Variants in NDST1 observed in about 807,000 individuals in gnomAD.
The protein encoded by NDST1 is bifunctional heparan sulfate N-deacetylase/N-sulfotransferase 1.
In NDST1, 35 loss-of-function variants were observed where a neutral mutation model predicts 92.8. The observed-to-expected ratio is 0.38, with a 90% CI of 0.29 to 0.50. NDST1 has a LOEUF of 0.50. Among genes scored for constraint, NDST1 ranks in the 20% least tolerant of loss-of-function variants. The pLI, the probability that NDST1 is intolerant of heterozygous loss-of-function variation, is 0.94. For missense variants in NDST1, 822 were observed against 1,182.7 expected (o/e 0.69, Z 4.47); for synonymous variants, 493 against 500.3 (o/e 0.99, Z 0.19).
chr5:150,501,467 A>G lies in NDST1; in HGVS notation c.-388+3228A>G, dbSNP rs564402197. Among the ~76,000 whole-genome samples, 7 of 152,314 alleles carry G rather than the reference A, an allele frequency of 4.6e-5. No individual in the cohort carries two copies. The South Asian group carries it at 1.5e-3, about 32-fold the overall frequency. On this transcript the variant is annotated intron_variant, in intron 1 of 1. Transcript: ENST00000518299. ...TGTCATCCATTGGTCCAAGCAGTCA[A>G]TTGGACTAGAACAGGACTGGGAATT...
At chr5:150,541,325 A>G (rs183823235) in intron 8 of NDST1, among the ~76,000 whole-genome samples, 3 of 152,332 alleles carry the variant, frequency 2.0e-5, no homozygotes, top group Admixed American at 2.0e-4. Context: ...AAATTCAACA[A>G]GTGCTTATGA....
chr5:150,550,455 A>C, intron 13 of NDST1: 1 of 155,270 alleles, frequency 6.4e-6, no homozygotes, highest in Non-Finnish European at 1.4e-5. Flanking sequence ...TAATAACCGT[A>C]CTCACTCAGA....
intron 7 of NDST1, 153 bp downstream of exon 7, chr5:150,539,509 C>T (rs1011350454): frequency 1.3e-6 from 2 of 1,544,324 alleles, no homozygotes; most frequent in South Asian, 2.4e-5. Flanking sequence ...CTGGCCCTGC[C>T]TCGGCTGTGT....
intron 9 of NDST1, 33 bp from the exon 10 acceptor site, chr5:150,542,815 G>C: frequency 6.2e-7 from 1 of 1,613,806 alleles, no homozygotes; most frequent in Non-Finnish European, 8.5e-7. Flanking sequence ...TGGGGGCTGG[G>C]CCCTGGGTCT....
chr5:150,552,606 G>A, intron 14 of NDST1: 1 of 181,734 alleles, frequency 5.5e-6, no homozygotes, highest in South Asian at 1.2e-4. Flanking sequence ...TCCCGCCTCA[G>A]CCTGCCATAG....
intron 7 of NDST1, 75 bp downstream of exon 7, chr5:150,539,431 C>T: frequency 6.2e-7 from 1 of 1,609,498 alleles, no homozygotes; most frequent in Non-Finnish European, 8.5e-7. Context: ...ACACAGGCTT[C>T]CTGGAGCCAG....
rs2151309742 is a variant in NDST1, at chr5:150,556,222, C to G, written c.*2890C>G. 6.6e-6 allele frequency: 1 copy of G among 152,380 alleles called. No homozygotes were observed. The highest frequency in any genetic ancestry group is 1.5e-5 in the Non-Finnish European group (1 of 68,068). 9.4% of individuals were successfully genotyped at this position (152,380 alleles called of 1,614,324 possible). On this transcript the variant is annotated 3_prime_UTR_variant, in exon 15 of 15. Transcript: ENST00000261797. ...TCTATTCTGTGGTCCCCTCCATGAG[C>G]CTTTGCCCCAGGGTGGGTGCAGGTG... is the stretch of plus-strand genomic sequence containing the variant.
At chr5:150,535,166 TTA>T in intron 5 of NDST1, 145 bp downstream of exon 5, 1 of 1,325,362 alleles carries the variant, frequency 7.5e-7, no homozygotes, top group South Asian at 1.4e-5. Flanking sequence ...AGAGCTGCCT[TTA>T]TAGCCACTGT....
chr5:150,512,413 C>T (rs1561589296), intron 1 of NDST1, among the ~76,000 whole-genome samples: 1 of 152,222 alleles, frequency 6.6e-6, no homozygotes, highest in Non-Finnish European at 1.5e-5. Context: ...TTCCAGAGAC[C>T]TCTAGAAACC....
At position 150,520,897 on chromosome 5, in the gene NDST1, C is replaced by A; in HGVS notation, c.-358C>A. ...AGCCCCGTGGGCCCCACGGAGTGAG[C>A]GGCATGCAGCACCCCCGGGCCTGTC... On this transcript the variant is annotated 5_prime_UTR_variant, in exon 2 of 15. Coordinates refer to ENST00000261797, the MANE Select transcript of NDST1 (RefSeq NM_001543.5). The A allele has an allele frequency of 2.0e-6, 1 of 489,190 alleles. No individual in the cohort carries two copies. The highest frequency in any genetic ancestry group is 3.6e-6 in the Non-Finnish European group (1 of 279,238). The allele number at this position is 489,190 out of a possible 1,614,324, so 30.3% of individuals were successfully genotyped here.
At chr5:150,517,370 C>G (rs1303872797) in intron 1 of NDST1, among the ~76,000 whole-genome samples, 1 of 151,100 alleles carries the variant, frequency 6.6e-6, no homozygotes, top group Non-Finnish European at 1.5e-5. Flanking sequence ...GAACTCCTGG[C>G]CTTAAGTGAT....
chr5:150,527,269 T>C (rs1754515754), intron 2 of NDST1, among the ~76,000 whole-genome samples: 1 of 152,228 alleles, frequency 6.6e-6, no homozygotes, highest in Non-Finnish European at 1.5e-5. Context: ...CGCAGGCTGA[T>C]GTGAGGACTG....
At chr5:150,506,664 C>T (rs1437172280), upstream of NDST1, among the ~76,000 whole-genome samples, 4 of 152,140 alleles carry the variant, frequency 2.6e-5, no homozygotes, top group East Asian at 3.9e-4. Context: ...TAGAGAAAGC[C>T]GGGCCCACTT....
intron 13 of NDST1, among the ~76,000 whole-genome samples, chr5:150,550,105 CTTT>C (rs11365752): frequency 3.6e-5 from 5 of 138,950 alleles, no homozygotes; most frequent in Non-Finnish European, 6.3e-5. Flanking sequence ...TTAGCATTAG[CTTT>C]TTTTTTTTTT....
intron 2 of NDST1, among the ~76,000 whole-genome samples, chr5:150,526,339 C>T (rs982296423): frequency 1.6e-4 from 24 of 152,180 alleles, no homozygotes; most frequent in Admixed American, 1.6e-3. Flanking sequence ...TTCATGAGAG[C>T]AGGGGCCATG....
At chr5:150,499,721 A>G (rs1753150072) in intron 1 of NDST1, among the ~76,000 whole-genome samples, 1 of 152,202 alleles carries the variant, frequency 6.6e-6, no homozygotes, top group African/African-American at 2.4e-5. Context: ...CTGCGTAGCC[A>G]CTGACCCAGG....
At chr5:150,523,877 C>T (rs952250762) in intron 2 of NDST1, among the ~76,000 whole-genome samples, 3 of 152,208 alleles carry the variant, frequency 2.0e-5, no homozygotes, top group African/African-American at 7.2e-5. Context: ...TACCCTGTTG[C>T]CTAGGACAAG....
chr5:150,509,701 G>A (rs1361217138), intron 1 of NDST1, among the ~76,000 whole-genome samples: 1 of 152,132 alleles, frequency 6.6e-6, no homozygotes, highest in Non-Finnish European at 1.5e-5. Context: ...AGTAGAGATG[G>A]GGTTTCACCG....
intron 1 of NDST1, among the ~76,000 whole-genome samples, chr5:150,508,490 A>T (rs1753570320): frequency 1.3e-5 from 2 of 152,090 alleles, no homozygotes; most frequent in South Asian, 4.1e-4. Flanking sequence ...GATGGAGGAG[A>T]AGGAGGAGGA....
Sources: gnomAD v4.1 joint callset for allele counts (sites outside exome capture counted in the v4.1 genomes callset) on GRCh38, gnomAD v4.1.1 for gene constraint, MANE v1.5 for transcripts, NCBI Gene and HGNC (gene_info 2026-07-23, HGNC 2026-07-21) for gene names.